Variants in ARHGAP36 observed in about 807,000 individuals in gnomAD.
ARHGAP36 encodes rho GTPase-activating protein 36.
Under a neutral mutation model 32.9 loss-of-function variants are expected in ARHGAP36, and 7 were observed. The ratio of observed to expected loss-of-function variants is 0.21; its 90% CI spans 0.12 to 0.40. The LOEUF (loss-of-function observed/expected upper bound fraction) is 0.40. ARHGAP36 is among the 10% of genes least tolerant of loss of function. The pLI is 1.00. For missense variants in ARHGAP36, 383 were observed against 442.2 expected (o/e 0.87, Z 1.20); for synonymous variants, 165 against 168.3 (o/e 0.98, Z 0.15).
chrX:131,081,503 G>GA, intron 1 of ARHGAP36, 21 bp from the exon 2 acceptor site: 2 of 1,039,081 alleles, frequency 1.9e-6, no homozygotes, highest in East Asian at 6.9e-5. Context: ...TTTGAAGTTG[G>GA]ATTTTTTTTT....
intron 1 of ARHGAP36, among the ~76,000 whole-genome samples, chrX:131,069,579 GTC>G (rs1380900783): frequency 8.9e-6 from 1 of 111,786 alleles, no homozygotes; most frequent in Non-Finnish European, 1.9e-5. Context: ...GGGGATTAGA[GTC>G]TGGCAGGGGG....
chrX:131,078,506 C>T (rs1337141031), intron 1 of ARHGAP36, among the ~76,000 whole-genome samples: 1 of 112,271 alleles, frequency 8.9e-6, no homozygotes, highest in Non-Finnish European at 1.9e-5. Flanking sequence ...GGGGAAAACA[C>T]TTTGGAGCAA....
chrX:131,078,031 A>G (rs947021480), intron 1 of ARHGAP36, among the ~76,000 whole-genome samples: 3 of 111,150 alleles, frequency 2.7e-5, no homozygotes, highest in Admixed American at 9.6e-5. Context: ...ACATAATTCA[A>G]ATTTAGTGGA....
chrX:131,069,674 T>C (rs995778234), intron 1 of ARHGAP36, among the ~76,000 whole-genome samples: 2 of 111,547 alleles, frequency 1.8e-5, no homozygotes, highest in African/African-American at 6.5e-5. Flanking sequence ...CAATATGCTG[T>C]ATTTAAGGGA....
intron 1 of ARHGAP36, among the ~76,000 whole-genome samples, chrX:131,069,421 G>T: frequency 8.9e-6 from 1 of 112,016 alleles, no homozygotes; most frequent in Non-Finnish European, 1.9e-5. Flanking sequence ...GTGGTAAGTC[G>T]CTGGCTTAGG....
At chrX:131,064,958 T>C (rs1051342330) in intron 1 of ARHGAP36, among the ~76,000 whole-genome samples, 52 of 110,179 alleles carry the variant, frequency 4.7e-4, no homozygotes, top group African/African-American at 1.7e-3. Flanking sequence ...AATCTTCATG[T>C]TATGGGAACA....
In ARHGAP36 at chrX:131,084,980, G is replaced by T; in HGVS notation, c.871G>T (p.Ala291Ser). 2 of 1,211,607 alleles carry T rather than the reference G, an allele frequency of 1.7e-6. No individual in the cohort carries two copies. Among genetic ancestry groups the T allele is most frequent in the East Asian group, 3.0e-5 (1 of 33,815 alleles). ...LDDNQNVHDV[A>S]ALLKEFFRDM... ...TGACAATCAGAATGTGCATGATGTG[G>T]CTGCACTCCTCAAGGAGTTTTTCCG... The change falls in exon 7 of 12, where the codon GCT becomes TCT. Residue 291 changes from alanine to serine, a missense_variant. Physicochemically the swap from Ala to Ser is moderately conservative, Grantham distance 99. This residue lies in a region of ARHGAP36 where 227 missense variants were observed against 311.3 expected (regional missense o/e 0.73). Coordinates refer to ENST00000276211, the MANE Select transcript of ARHGAP36 (RefSeq NM_144967.4).
chrX:131,067,336 C>G (rs1383094322), intron 1 of ARHGAP36, among the ~76,000 whole-genome samples: 1 of 112,628 alleles, frequency 8.9e-6, no homozygotes, highest in Non-Finnish European at 1.9e-5. Flanking sequence ...ATCTTTCCAG[C>G]TTACTCCCAC....
chrX:131,058,471 G>A (rs968139281), intron 1 of ARHGAP36, 27 bp downstream of exon 1: 67 of 1,018,367 alleles, frequency 6.6e-5, no homozygotes, highest in Non-Finnish European at 8.0e-5. Context: ...GAGTCGGGGG[G>A]CTGGGGTGCT....
At chrX:131,086,896 G>A (rs1253093823) in intron 11 of ARHGAP36, among the ~76,000 whole-genome samples, 2 of 111,901 alleles carry the variant, frequency 1.8e-5, no homozygotes, top group Admixed American at 1.9e-4. Context: ...ACATCTTGAA[G>A]GAATACCAGA....
intron 1 of ARHGAP36, among the ~76,000 whole-genome samples, chrX:131,059,822 T>C (rs1028937358): frequency 9.0e-6 from 1 of 111,028 alleles, no homozygotes. Context: ...AAAAAGGGGG[T>C]GGGGGAAACA....
rs2079651637 is a variant in ARHGAP36, at chrX:131,058,429, C to T, written c.-158C>T. 1 of 1,082,378 alleles carries T rather than the reference C, an allele frequency of 9.2e-7. No individual in the cohort carries two copies. Among genetic ancestry groups the T allele is most frequent in the Non-Finnish European group, 1.2e-6 (1 of 828,389 alleles). 89.2% of individuals were successfully genotyped at this position (1,082,378 alleles called of 1,213,427 possible). ...CTGCCTTTTCGCCTCGGCCTTTGAG[C>T]CCCGCCCCCGCCGTGGTGAGTGGGG... On this transcript the variant is annotated 5_prime_UTR_variant, in exon 1 of 12. Transcript: ENST00000276211.
intron 1 of ARHGAP36, among the ~76,000 whole-genome samples, chrX:131,064,747 C>G (rs1367120148): frequency 1.8e-5 from 2 of 110,965 alleles, no homozygotes; most frequent in East Asian, 5.7e-4. Flanking sequence ...CTGCCCTCCC[C>G]ACATGGAAAA....
chrX:131,060,337 A>G (rs1411742019), intron 1 of ARHGAP36, among the ~76,000 whole-genome samples: 1 of 111,849 alleles, frequency 8.9e-6, no homozygotes, highest in Non-Finnish European at 1.9e-5. Context: ...CACCCAAGGT[A>G]CACACATACG....
At chrX:131,083,046 G>T (rs5932835) in intron 2 of ARHGAP36, 119 bp from the exon 3 acceptor site, 1 of 689,062 alleles carries the variant, frequency 1.5e-6, no homozygotes, top group Non-Finnish European at 2.1e-6. Context: ...TTCGCCCGCT[G>T]GGCAGAGCTC....
intron 11 of ARHGAP36, among the ~76,000 whole-genome samples, chrX:131,088,349 G>A (rs2079846821): frequency 8.9e-6 from 1 of 112,075 alleles, no homozygotes; most frequent in Non-Finnish European, 1.9e-5. Flanking sequence ...TCTCCCTGGT[G>A]GTATTGTCCA....
intron 1 of ARHGAP36, 93 bp downstream of exon 1, chrX:131,058,537 G>A (rs988767484): frequency 3.2e-4 from 258 of 800,909 alleles, no homozygotes; most frequent in Non-Finnish European, 4.0e-4. Flanking sequence ...GGCTTGGCTG[G>A]TCGCCCCCTT....
At position 131,083,722 on chromosome X, in the gene ARHGAP36, G is replaced by C. The variant is rs1569368470; in HGVS notation, c.320-12G>C. The C allele has an allele frequency of 5.0e-6, 6 of 1,203,055 alleles. No individual in the cohort carries two copies. The highest frequency in any genetic ancestry group is 6.8e-6 in the Non-Finnish European group (6 of 887,925). ...TTTGACGTTTCTCATTCTTTCTCTC[G>C]TGGCTCCCCAGCTGTATCACACAAG... On this transcript the variant is annotated splice_polypyrimidine_tract_variant and intron_variant, in intron 3 of 11. Coordinates refer to ENST00000276211, the MANE Select transcript of ARHGAP36 (RefSeq NM_144967.4).
intron 1 of ARHGAP36, among the ~76,000 whole-genome samples, chrX:131,062,111 T>C (rs1249648522): frequency 5.3e-5 from 6 of 112,396 alleles, no homozygotes; most frequent in African/African-American, 1.9e-4. Context: ...TTCTGTGATA[T>C]ATCCCCTTAT....
Sources: gnomAD v4.1 joint callset for allele counts (sites outside exome capture counted in the v4.1 genomes callset) on GRCh38, gnomAD v4.1.1 for gene constraint, gnomAD v4.1.1 regional missense constraint, MANE v1.5 for transcripts, NCBI Gene and HGNC (gene_info 2026-07-23, HGNC 2026-07-21) for gene names.